Variants in TXNRD1 observed in about 807,000 individuals in gnomAD.
The protein encoded by TXNRD1 is thioredoxin reductase 1, also known as thioredoxin reductase 1, cytoplasmic.
A neutral mutation model predicts 80.3 loss-of-function variants in TXNRD1; 57 were observed. The observed-to-expected ratio is 0.71, with a 90% confidence interval of 0.57 to 0.89. TXNRD1 has a LOEUF of 0.89. Ranked by LOEUF, TXNRD1 falls within the 40% of genes least tolerant of loss-of-function variation. The probability of loss-of-function intolerance (pLI) is 0.00; values close to 1 mark genes in which losing one functional copy is unlikely to be tolerated. For missense variants in TXNRD1, 730 were observed against 803.0 expected, an observed-to-expected ratio of 0.91 and a Z score of 1.10; for synonymous variants, 291 against 285.2, an observed-to-expected ratio of 1.02 and a Z score of -0.20.
chr12:104,291,324 C>A (rs2034204369), intron 4 of TXNRD1, among the ~76,000 whole-genome samples: 1 of 150,916 alleles, frequency 6.6e-6, no homozygotes, highest in South Asian at 2.1e-4. Flanking sequence ...CCTCAGCCTC[C>A]CGAGTAGCTG....
chr12:104,341,383 G>A (rs1053654420), intron 16 of TXNRD1, among the ~76,000 whole-genome samples: 7 of 152,176 alleles, frequency 4.6e-5, no homozygotes, highest in South Asian at 2.1e-4. Flanking sequence ...ACACAGTGCC[G>A]TGCTGGACAC....
At chr12:104,346,171 T>C (rs1348593767) in intron 16 of TXNRD1, 1 of 370,150 alleles carries the variant, frequency 2.7e-6, no homozygotes, top group Non-Finnish European at 5.2e-6. Context: ...TGCCACTGTT[T>C]CCAGCTAATA....
At chr12:104,326,027 C>T (rs116492249) in intron 11 of TXNRD1, among the ~76,000 whole-genome samples, 313 of 152,244 alleles carry the variant, frequency 2.1e-3, no homozygotes, top group African/African-American at 7.2e-3. Flanking sequence ...CATCTCCCCA[C>T]GCAACCACTT....
At chr12:104,342,175 GCTCCCT>G (rs1317101599) in intron 16 of TXNRD1, among the ~76,000 whole-genome samples, 1 of 152,032 alleles carries the variant, frequency 6.6e-6, no homozygotes, top group Non-Finnish European at 1.5e-5. Flanking sequence ...CCAATCTCCT[GCTCCCT>G]CCCCAGATGT....
intron 3 of TXNRD1, among the ~76,000 whole-genome samples, chr12:104,287,589 T>C (rs1336162996): frequency 6.6e-6 from 1 of 152,186 alleles, no homozygotes; most frequent in East Asian, 1.9e-4. Flanking sequence ...TCCTGAGACG[T>C]TGGCAAAACA....
At chr12:104,234,475 G>A (rs11111939) in intron 1 of TXNRD1, among the ~76,000 whole-genome samples, 33,213 of 151,444 alleles carry the variant, frequency 0.22, 4,620 homozygotes, top group African/African-American at 0.4. Flanking sequence ...TTGTATTATT[G>A]GTGGAGAAGG....
At chr12:104,288,836 G>A in intron 3 of TXNRD1, 95 bp from the exon 4 acceptor site, 1 of 1,610,122 alleles carries the variant, frequency 6.2e-7, no homozygotes, top group Non-Finnish European at 8.5e-7. Context: ...CGGTGCCTGC[G>A]GGGCCGGGAC....
At chr12:104,288,064 C>G (rs1311253182) in intron 3 of TXNRD1, among the ~76,000 whole-genome samples, 1 of 152,110 alleles carries the variant, frequency 6.6e-6, no homozygotes, top group Non-Finnish European at 1.5e-5. Flanking sequence ...GATCTGGGCT[C>G]ACTGCAACCT....
chr12:104,299,651 C>A lies in TXNRD1; in HGVS notation c.414+10611C>A, dbSNP rs1278769342. ...GCGTGGTGACTCGTGCCTGTAATCCCAGCTACTCGGGAGGCTGAGGCAGGA... is the reference window on the plus strand; with the variant it reads ...GCGTGGTGACTCGTGCCTGTAATCCAAGCTACTCGGGAGGCTGAGGCAGGA... On this transcript the variant is annotated intron_variant, in intron 4 of 16. Transcript: ENST00000525566. Among the ~76,000 whole-genome samples the A allele has an allele frequency of 2.6e-5, 4 of 151,644 alleles. No individual in the cohort carries two copies. The East Asian group carries it at 7.8e-4, about 29-fold the overall frequency.
chr12:104,291,003 C>G (rs1019771240), intron 4 of TXNRD1: 1 of 662,658 alleles, frequency 1.5e-6, no homozygotes, highest in African/African-American at 1.9e-5. Context: ...AGATGGAGGT[C>G]TCATTATGTT....
At position 104,325,376 on chromosome 12, in the gene TXNRD1, G is replaced by A; in HGVS notation, c.1255G>A (p.Val419Ile). Residue 419 changes from valine (V) to isoleucine (I), a missense_variant, in exon 11 of 17, where the codon GTA becomes ATA. Physicochemically the swap from Val to Ile is conservative, Grantham distance 29 (BLOSUM62 3). Transcript: ENST00000525566. ...IEAGTPGRLR[V>I]VAQSTNSEEI... ...AGCAGGGACACCAGGCCGACTCAGA[G>A]TAGTAGCTCAGTCCACCAATAGTGA... The A allele has an allele frequency of 6.2e-7, 1 of 1,613,534 alleles. No homozygotes were observed. The highest frequency in any genetic ancestry group is 1.1e-5 in the South Asian group (1 of 90,902).
At chr12:104,268,781 T>A (rs112141013) in intron 3 of TXNRD1, among the ~76,000 whole-genome samples, 9,186 of 151,846 alleles carry the variant, frequency 0.06, 289 homozygotes, top group Middle Eastern at 0.13. Context: ...CCTCTCAAAG[T>A]GATGGGATTA....
chr12:104,304,333 A>C, intron 4 of TXNRD1: 3 of 1,614,050 alleles, frequency 1.9e-6, no homozygotes, highest in Non-Finnish European at 2.5e-6. Flanking sequence ...ATTGGATGGA[A>C]GGCGATCCTG....
intron 4 of TXNRD1, chr12:104,309,692 G>A: frequency 8.1e-7 from 1 of 1,231,074 alleles, no homozygotes; most frequent in Non-Finnish European, 1.1e-6. Context: ...AGTCACACTA[G>A]TTACTTGAAG....
chr12:104,295,448 C>T (rs890148716), intron 4 of TXNRD1, among the ~76,000 whole-genome samples: 3 of 152,124 alleles, frequency 2.0e-5, no homozygotes, highest in African/African-American at 4.8e-5. Context: ...GATTGCTACT[C>T]GCTGGCCCCA....
Position 104,325,360 on chromosome 12 carries a change from A to G in TXNRD1, c.1239A>G (p.Thr413=). ...AGGTTGAACAAATTGAAGCAGGGAC[A>G]CCAGGCCGACTCAGAGTAGTAGCTC... The part of the protein sequence containing the change: ...PIKVEQIEAG[T]PGRLRVVAQS... The change falls in exon 11 of 17, where the codon ACA becomes ACG. Residue 413 remains threonine (T), a synonymous_variant. Coordinates refer to ENST00000525566, the MANE Select transcript of TXNRD1 (RefSeq NM_001093771.3). The G allele has an allele frequency of 1.2e-6, 2 of 1,613,378 alleles. No individual in the cohort carries two copies. The highest frequency in any genetic ancestry group is 4.5e-5 in the East Asian group (2 of 44,872).
At chr12:104,263,901 G>A (rs1226727615) in intron 3 of TXNRD1, among the ~76,000 whole-genome samples, 1 of 152,164 alleles carries the variant, frequency 6.6e-6, no homozygotes, top group Non-Finnish European at 1.5e-5. Context: ...ACAGCTTTGT[G>A]TGGTTGTTGG....
chr12:104,215,971 G>A, intron 1 of TXNRD1, 78 bp downstream of exon 1: 1 of 1,246,130 alleles, frequency 8.0e-7, no homozygotes, highest in Non-Finnish European at 1.1e-6. Context: ...GGGATAAAGT[G>A]CCCCGGAGCC....
intron 3 of TXNRD1, among the ~76,000 whole-genome samples, chr12:104,267,907 T>C (rs2033568588): frequency 1.3e-5 from 2 of 148,984 alleles, no homozygotes; most frequent in African/African-American, 2.5e-5. Context: ...TGGAGTGCAA[T>C]GGCGTAATCT....
Sources: gnomAD v4.1 joint callset for allele counts (sites outside exome capture counted in the v4.1 genomes callset) on GRCh38, gnomAD v4.1.1 for gene constraint, MANE v1.5 for transcripts, NCBI Gene and HGNC (gene_info 2026-07-23, HGNC 2026-07-21) for gene names.